The following PIGU variants were observed in gnomAD, a reference collection of about 807,000 sequenced individuals.
PIGU encodes GPI-anchor transamidase component PIGU.
In PIGU, 24 loss-of-function variants were observed where a neutral mutation model predicts 49.9. The ratio of observed to expected loss-of-function variants is 0.48; its 90% CI spans 0.35 to 0.68. The LOEUF is 0.68. PIGU is among the 30% of genes least tolerant of loss of function. The pLI, the probability that PIGU is intolerant of heterozygous loss-of-function variation, is 0.01. For missense variants in PIGU, 490 were observed against 532.6 expected (o/e 0.92, Z 0.79); for synonymous variants, 220 against 205.7 (o/e 1.07, Z -0.59).
intron 1 of PIGU, among the ~76,000 whole-genome samples, chr20:34,673,923 T>G (rs973828491): frequency 1.3e-5 from 2 of 151,778 alleles, no homozygotes; most frequent in African/African-American, 4.8e-5. Context: ...CATGGTGGCA[T>G]GTGCCTGTAG....
At chr20:34,644,314 G>T in intron 3 of PIGU, 88 bp from the exon 4 acceptor site, 1 of 1,073,480 alleles carries the variant, frequency 9.3e-7, no homozygotes, top group Non-Finnish European at 1.4e-6. Context: ...TTTTGAGATA[G>T]TGATGGACTA....
At chr20:34,631,309 T>G (rs1042956785) in intron 6 of PIGU, among the ~76,000 whole-genome samples, 2 of 151,778 alleles carry the variant, frequency 1.3e-5, no homozygotes, top group Admixed American at 1.3e-4. Flanking sequence ...AAATAAAATA[T>G]GCATAACTTA....
At chr20:34,599,840 TAC>T (rs1169009949) in intron 7 of PIGU, among the ~76,000 whole-genome samples, 1 of 152,180 alleles carries the variant, frequency 6.6e-6, no homozygotes, top group Non-Finnish European at 1.5e-5. Flanking sequence ...CTGTAAGCTT[TAC>T]ACACATAGCT....
At position 34,644,197 on chromosome 20, in the gene PIGU, C is replaced by A. The variant is rs1452911124; in HGVS notation, c.285G>T (p.Leu95=). 6.2e-7 allele frequency: 1 copy of A among 1,610,812 alleles called. No homozygotes were observed. The highest frequency in any genetic ancestry group is 8.5e-7 in the Non-Finnish European group (1 of 1,177,130). The change falls in exon 4 of 12, where the codon CTG becomes CTT. Residue 95 remains leucine (L), a synonymous_variant. Coordinates refer to ENST00000217446, the MANE Select transcript of PIGU (RefSeq NM_080476.5). ...TATTGAAGTCCTGGATTGCAAAATA[C>A]AGGGCAATAGCAGTGAGTGCATCAG... ...MITDALTAIA[L]YFAIQDFNKV...
At chr20:34,567,869 T>C (rs149394178) in intron 11 of PIGU, among the ~76,000 whole-genome samples, 5 of 151,292 alleles carry the variant, frequency 3.3e-5, no homozygotes, top group East Asian at 2.0e-4. Flanking sequence ...CCTAAAATCA[T>C]AGAACCCAGT....
intron 5 of PIGU, among the ~76,000 whole-genome samples, chr20:34,635,875 C>T (rs76759988): frequency 1.5e-5 from 2 of 135,010 alleles, no homozygotes. Flanking sequence ...AGCTCAGTCT[C>T]AAAAAAAAAA....
At chr20:34,664,340 A>G (rs1234198274) in intron 1 of PIGU, among the ~76,000 whole-genome samples, 1 of 152,090 alleles carries the variant, frequency 6.6e-6, no homozygotes, top group East Asian at 1.9e-4. Flanking sequence ...TTTTGTAGAA[A>G]CGGGCTCTTG....
At chr20:34,638,101 C>T in intron 4 of PIGU, 116 bp from the exon 5 acceptor site, 2 of 1,411,688 alleles carry the variant, frequency 1.4e-6, no homozygotes, top group South Asian at 3.3e-5. Context: ...CTGGTCTGGC[C>T]CTACCTCTCC....
At chr20:34,631,081 T>G (rs948931267) in intron 6 of PIGU, among the ~76,000 whole-genome samples, 4 of 150,606 alleles carry the variant, frequency 2.7e-5, no homozygotes, top group African/African-American at 9.8e-5. Context: ...AAATAGAAAC[T>G]GAAAATATAT....
At chr20:34,646,994 T>C (rs56664949) in intron 2 of PIGU, among the ~76,000 whole-genome samples, 4,602 of 151,932 alleles carry the variant, frequency 0.03, 236 homozygotes, top group African/African-American at 0.1. Flanking sequence ...CCAGCTAATT[T>C]TTTTTGTTAT....
intron 7 of PIGU, among the ~76,000 whole-genome samples, chr20:34,598,960 T>A (rs114457146): frequency 0.014 from 2,098 of 152,190 alleles, 55 homozygotes; most frequent in African/African-American, 0.048. Context: ...TCCTCCTACC[T>A]CAGACTCCCG....
chr20:34,630,397 T>C (rs932699171), intron 6 of PIGU, among the ~76,000 whole-genome samples: 1 of 152,170 alleles, frequency 6.6e-6, no homozygotes, highest in Non-Finnish European at 1.5e-5. Flanking sequence ...GCTAGTCTTA[T>C]GCACCCTCCA....
At position 34,585,487 on chromosome 20, in the gene PIGU, C is replaced by T; in HGVS notation, c.876G>A (p.Val292=). The T allele has an allele frequency of 2.5e-6, 4 of 1,613,994 alleles. No homozygotes were observed. The highest frequency in any genetic ancestry group is 3.4e-6 in the Non-Finnish European group (4 of 1,179,852). The change falls in exon 9 of 12, where the codon GTG becomes GTA. Residue 292 remains valine (V), a synonymous_variant. Coordinates refer to ENST00000217446, the MANE Select transcript of PIGU (RefSeq NM_080476.5). The stretch of plus-strand genomic sequence containing the variant: ...TGTAGAAGAAGACGTTGATCTGAAA[C>T]ACACATACAAAGAAGAGGCTGAAGT... The part of the protein sequence containing the change: ...FEHFSLFFVC[V]FQINVFFYTI...
At chr20:34,587,571 T>C (rs942728193) in intron 8 of PIGU, among the ~76,000 whole-genome samples, 1 of 152,170 alleles carries the variant, frequency 6.6e-6, no homozygotes, top group Non-Finnish European at 1.5e-5. Flanking sequence ...CACCACACTG[T>C]GCTAGTACTC....
chr20:34,579,325 C>G (rs1378097825), intron 10 of PIGU: 3 of 152,000 alleles, frequency 2.0e-5, no homozygotes, highest in Non-Finnish European at 4.4e-5. Context: ...ATGACTCATC[C>G]AAGCTCCAGA....
At chr20:34,646,499 C>T (rs1365659828) in intron 2 of PIGU, among the ~76,000 whole-genome samples, 1 of 152,148 alleles carries the variant, frequency 6.6e-6, no homozygotes, top group Non-Finnish European at 1.5e-5. Context: ...ACCTCCGCCT[C>T]CTGGGTTCAA....
chr20:34,594,830 C>T (rs1568631199), intron 7 of PIGU, among the ~76,000 whole-genome samples: 2 of 152,038 alleles, frequency 1.3e-5, no homozygotes, highest in South Asian at 2.1e-4. Flanking sequence ...CAGTGGCTCA[C>T]GCCTGTAATC....
chr20:34,593,293 G>A (rs974140398), intron 7 of PIGU, among the ~76,000 whole-genome samples: 7 of 151,184 alleles, frequency 4.6e-5, no homozygotes, highest in Middle Eastern at 3.2e-3. Flanking sequence ...AGCCAATATC[G>A]TGCCACTGCA....
chr20:34,661,835 C>T (rs1363501534), intron 1 of PIGU, among the ~76,000 whole-genome samples: 3 of 152,090 alleles, frequency 2.0e-5, no homozygotes, highest in South Asian at 2.1e-4. Flanking sequence ...TCCCACCAGT[C>T]GTGTATAAGT....
Sources: gnomAD v4.1 joint callset for allele counts (sites outside exome capture counted in the v4.1 genomes callset) on GRCh38, gnomAD v4.1.1 for gene constraint, MANE v1.5 for transcripts, NCBI Gene and HGNC (gene_info 2026-07-23, HGNC 2026-07-21) for gene names.